Variants in RABGGTB observed in about 807,000 individuals in gnomAD.
RABGGTB encodes geranylgeranyl transferase type-2 subunit beta.
In RABGGTB, 20 loss-of-function variants were observed where a neutral mutation model predicts 44.5. The observed-to-expected ratio is 0.45, with a 90% confidence interval of 0.32 to 0.65. The LOEUF (loss-of-function observed/expected upper bound fraction) is 0.65, where lower values mean the gene tolerates loss of function less well. Among genes scored for constraint, RABGGTB ranks in the 30% least tolerant of loss-of-function variants. RABGGTB has a pLI of 0.05. For synonymous variants in RABGGTB, 128 were observed against 136.7 expected, an observed-to-expected ratio of 0.94 and a Z score of 0.44; for missense variants, 302 against 398.7, an observed-to-expected ratio of 0.76 and a Z score of 2.06.
intron 4 of RABGGTB, chr1:75,790,443 T>C (rs1557481037): frequency 2.8e-6 from 3 of 1,086,668 alleles, no homozygotes; most frequent in Non-Finnish European, 3.3e-6. Flanking sequence ...ATCTCTGCTT[T>C]AGGGATGAAC....
rs111457474 is a variant in RABGGTB, at chr1:75,787,453, T to C, written c.4-44T>C. The C allele has an allele frequency of 1.8e-3, 2,543 of 1,399,826 alleles. 33 individuals carry two copies. The African/African-American group carries it at 0.033, about 18-fold the overall frequency. 86.7% of individuals were successfully genotyped at this position (1,399,826 alleles called of 1,614,324 possible). A position where few individuals can be genotyped will look rare whatever the true frequency, so the allele number is the denominator to read the frequency against. On this transcript the variant is annotated intron_variant, in intron 1 of 8. Coordinates refer to ENST00000319942, the MANE Select transcript of RABGGTB (RefSeq NM_004582.4). Reference sequence around the variant, plus strand: ...ATCTATGCTGTGGGGCAGAAGAACGTTGTAGAGGTAAACATTGATGAGATT... The same window carrying C: ...ATCTATGCTGTGGGGCAGAAGAACGCTGTAGAGGTAAACATTGATGAGATT...
chr1:75,790,323 TA>T (rs1649615928), intron 4 of RABGGTB: 2 of 1,240,568 alleles, frequency 1.6e-6, no homozygotes, highest in Admixed American at 4.1e-5. Context: ...TAAAGTTTTT[TA>T]AAAACTACTT....
At chr1:75,790,199 T>C in intron 4 of RABGGTB, 142 bp downstream of exon 4, 1 of 1,466,500 alleles carries the variant, frequency 6.8e-7, no homozygotes, top group Non-Finnish European at 9.0e-7. Context: ...CTGCTGGAAC[T>C]TCCAGCATGC....
At position 75,794,168 on chromosome 1, in the gene RABGGTB, C is replaced by T. The variant is rs756448664; in HGVS notation, c.790C>T (p.Arg264Cys). ...RLHWIDREKLRNFILACQDEE... is the reference protein window; with the variant it reads ...RLHWIDREKLCNFILACQDEE... ...TCATTGGATTGATAGAGAGAAACTGCGTAATTTCATTTTAGCATGTCAAGA... is the reference window on the plus strand; with the variant it reads ...TCATTGGATTGATAGAGAGAAACTGTGTAATTTCATTTTAGCATGTCAAGA... Residue 264 changes from arginine (R) to cysteine (C), a missense_variant, in exon 8 of 9, where the codon CGT (arginine) becomes TGT (cysteine). Around this residue, in one of 2 missense-constraint regions of RABGGTB, gnomAD observed 213 missense variants for 323.7 expected, o/e 0.66. Coordinates refer to ENST00000319942, the MANE Select transcript of RABGGTB (RefSeq NM_004582.4). The T allele has an allele frequency of 2.1e-5, 34 of 1,613,448 alleles. No homozygotes were observed. Among genetic ancestry groups the T allele is most frequent in the East Asian group, 6.7e-5 (3 of 44,864 alleles).
chr1:75,792,101 G>A (rs1649659608), intron 6 of RABGGTB, 80 bp from the exon 7 acceptor site: 2 of 1,216,686 alleles, frequency 1.6e-6, no homozygotes, highest in Admixed American at 2.0e-5. Context: ...GATATAAAGT[G>A]GTGTTTTAAT....
At chr1:75,787,756 T>C (rs1649535649) in intron 2 of RABGGTB, 152 bp downstream of exon 2, 1 of 691,042 alleles carries the variant, frequency 1.4e-6, no homozygotes, top group Admixed American at 2.3e-5. Flanking sequence ...AAGTGTGCTT[T>C]GGACGTCTGA....
upstream of RABGGTB, chr1:75,786,235 C>T (rs536347707): frequency 3.7e-6 from 6 of 1,613,722 alleles, no homozygotes; most frequent in East Asian, 6.7e-5. Context: ...TAAGTCTACC[C>T]AGGAACTGAC....
In RABGGTB at chr1:75,792,274, C is replaced by A. The variant is rs770519963; in HGVS notation, c.673C>A (p.Pro225Thr). The change falls in exon 7 of 9, where the codon CCC (proline) becomes ACC (threonine). Residue 225 changes from proline (P) to threonine (T), a missense_variant. Physicochemically the swap from Pro to Thr is conservative, Grantham distance 38 (BLOSUM62 -1). Coordinates refer to ENST00000319942, the MANE Select transcript of RABGGTB (RefSeq NM_004582.4). Reference protein sequence around the residue: ...LGWWLCERQLPSGGLNGRPEK... With the variant: ...LGWWLCERQLTSGGLNGRPEK... ...CTGGTGGCTTTGTGAACGACAATTA[C>A]CCTCAGGCGGGCTCAATGGAAGGCC... The A allele has an allele frequency of 6.2e-7, 1 of 1,614,046 alleles. No homozygotes were observed. Among genetic ancestry groups the A allele is most frequent in the Non-Finnish European group, 8.5e-7 (1 of 1,179,964 alleles).
At chr1:75,787,348 T>C in intron 1 of RABGGTB, 149 bp from the exon 2 acceptor site, 1 of 648,096 alleles carries the variant, frequency 1.5e-6, no homozygotes, top group Non-Finnish European at 2.7e-6. Flanking sequence ...TACCTCAGCC[T>C]CCCTAGTTAG....
At chr1:75,787,465 A>T (rs1649523253) in intron 1 of RABGGTB, 32 bp from the exon 2 acceptor site, 8 of 1,488,552 alleles carry the variant, frequency 5.4e-6, no homozygotes, top group African/African-American at 2.8e-5. Flanking sequence ...GTAGAGGTAA[A>T]CATTGATGAG....
intron 3 of RABGGTB, 76 bp downstream of exon 3, chr1:75,789,432 A>G (rs889719108): frequency 6.8e-7 from 1 of 1,467,376 alleles, no homozygotes; most frequent in Non-Finnish European, 9.5e-7. Context: ...AAACTGTATC[A>G]GGATTTGGTC....
At chr1:75,786,199 G>A (rs76671446), upstream of RABGGTB, 40,137 of 1,588,578 alleles carry the variant, frequency 0.025, 642 homozygotes, top group Non-Finnish European at 0.03. Context: ...GGCCTGAGAG[G>A]CGCATCTGCG....
Position 75,787,515 on chromosome 1 carries a change from GTTA to G in RABGGTB, c.27_29del (p.Ile10del), listed in dbSNP as rs1649526148. 1 of 1,613,754 alleles carries G rather than the reference GTTA, an allele frequency of 6.2e-7. No homozygotes were observed. The highest frequency in any genetic ancestry group is 1.1e-5 in the South Asian group (1 of 91,078). ...TTGAAAGGGCACTCCACAGAAGGAT[GTTA>G]TTATCAAGTCAGATGCACCGGACAC... On this transcript the variant is annotated inframe_deletion, in exon 2 of 9. Coordinates refer to ENST00000319942, the MANE Select transcript of RABGGTB (RefSeq NM_004582.4).
rs567425593 is a variant in RABGGTB at position 75,792,265 on chromosome 1, C to A, written c.664C>A (p.Arg222=). The change falls in exon 7 of 9, where the codon CGA becomes AGA. Residue 222 remains arginine (R), a synonymous_variant. Transcript: ENST00000319942. ...TTTACTTGGCTGGTGGCTTTGTGAA[C>A]GACAATTACCCTCAGGCGGGCTCAA... ...SDLLGWWLCE[R]QLPSGGLNGR... 27 of 1,613,974 alleles carry A rather than the reference C, an allele frequency of 1.7e-5. No homozygotes were observed. Among genetic ancestry groups the A allele is most frequent in the Middle Eastern group, 1.6e-4 (1 of 6,062 alleles).
At chr1:75,793,922 C>T (rs1438835689) in intron 7 of RABGGTB, 162 bp from the exon 8 acceptor site, 1 of 657,384 alleles carries the variant, frequency 1.5e-6, no homozygotes, top group East Asian at 2.8e-5. Context: ...GCAAGTATTT[C>T]ATACCCTGCA....
At position 75,789,073 on chromosome 1, in the gene RABGGTB, G is replaced by A; in HGVS notation, c.112-86G>A. The A allele has an allele frequency of 2.4e-6, 3 of 1,239,292 alleles. No homozygotes were observed. In the East Asian group the frequency reaches 7.0e-5, roughly 29 times the overall value. The allele number at this position is 1,239,292 out of a possible 1,614,324, so 76.8% of individuals were successfully genotyped here. On this transcript the variant is annotated intron_variant, in intron 2 of 8. Coordinates refer to ENST00000319942, the MANE Select transcript of RABGGTB (RefSeq NM_004582.4). ...TCAGGAGAGGTAAAAATAGCAGCAT[G>A]GCTAATGAGTTACCTTTGTGTTTAA...
intron 6 of RABGGTB, 118 bp downstream of exon 6, chr1:75,791,689 G>T (rs1649651254): frequency 1.2e-6 from 1 of 832,964 alleles, no homozygotes; most frequent in South Asian, 1.7e-5. Flanking sequence ...GACTGTAATA[G>T]GGCATCTTAC....
intron 7 of RABGGTB, 126 bp from the exon 8 acceptor site, chr1:75,793,958 C>T (rs1311390632): frequency 1.8e-5 from 18 of 992,172 alleles, no homozygotes; most frequent in East Asian, 2.4e-5. Context: ...GGATTTCGTC[C>T]TTCCACATGG....
chr1:75,786,264 T>C lies in RABGGTB; in HGVS notation c.-8T>C. 3 of 1,614,170 alleles carry C rather than the reference T, an allele frequency of 1.9e-6. No individual in the cohort carries two copies. Among genetic ancestry groups the C allele is most frequent in the Non-Finnish European group, 2.5e-6 (3 of 1,180,022 alleles). ...AACTGACCCTGCTCTCTCCTTTCCC[T>C]GTTAGACATGGTAAGTGTGAGTTTA... On this transcript the variant is annotated 5_prime_UTR_variant, in exon 1 of 9. Transcript: ENST00000319942.
Sources: allele counts gnomAD v4.1 joint callset, GRCh38; gene constraint gnomAD v4.1.1; regional missense constraint gnomAD v4.1.1; transcripts MANE v1.5; gene names NCBI Gene and HGNC (gene_info 2026-07-23, HGNC 2026-07-21).